Variants in ABCA7 observed in about 807,000 individuals in gnomAD.
ABCA7 encodes phospholipid-transporting ATPase ABCA7.
Under a neutral mutation model 227.6 loss-of-function variants are expected in ABCA7, and 261 were observed. That is an observed-to-expected ratio of 1.15 (90% CI 1.04 to 1.27). The LOEUF (loss-of-function observed/expected upper bound fraction) is 1.27. ABCA7 is among the 50% of genes most tolerant of loss of function. The probability of loss-of-function intolerance (pLI) is 0.00; values close to 1 mark genes in which losing one functional copy is unlikely to be tolerated. For missense variants in ABCA7, 3,331 were observed against 2,924.5 expected (o/e 1.14, Z -3.21); for synonymous variants, 1,488 against 1,279.7 (o/e 1.16, Z -3.47).
At position 1,042,867 on chromosome 19, in the gene ABCA7, G is replaced by C. The variant is rs759773885; in HGVS notation, c.579+41G>C. ...CATCCTCAACCCCCATGGAGGCAAC[G>C]TTGGCAGGCAGCCTGCGCCGGGAGG... On this transcript the variant is annotated intron_variant, in intron 7 of 46. Transcript: ENST00000263094. 3.9e-6 allele frequency: 6 copies of C among 1,533,672 alleles called. No homozygotes were observed. In the East Asian group the frequency reaches 6.8e-5, roughly 17 times the overall value.
chr19:1,055,483 C>T (rs2042166228), intron 30 of ABCA7, 132 bp downstream of exon 30: 7 of 785,454 alleles, frequency 8.9e-6, no homozygotes, highest in Admixed American at 3.6e-5. Context: ...GGGAGTCTCG[C>T]GTACCTTCCT....
chr19:1,048,053 C>G (rs2040895011), intron 16 of ABCA7, among the ~76,000 whole-genome samples: 1 of 152,022 alleles, frequency 6.6e-6, no homozygotes, highest in Non-Finnish European at 1.5e-5. Context: ...TGGTGGCACG[C>G]TGGGCGTGGT....
intron 35 of ABCA7, 114 bp from the exon 36 acceptor site, chr19:1,057,801 C>G: frequency 9.1e-6 from 12 of 1,312,148 alleles, no homozygotes; most frequent in Non-Finnish European, 1.2e-5. Context: ...CAGAAATGTG[C>G]TTTGGGTGAA....
chr19:1,042,134 C>T lies in ABCA7; in HGVS notation c.373C>T (p.Leu125=). ...CAGTGCCCACAGGACGCTGGCTGGCCTAGGGAAGCTGATCGCCACGCTGAG... is the reference window on the plus strand; with the variant it reads ...CAGTGCCCACAGGACGCTGGCTGGCTTAGGGAAGCTGATCGCCACGCTGAG... The part of the protein sequence containing the change: ...GASAHRTLAG[L]GKLIATLRAA... The change falls in exon 5 of 47, where the codon CTA becomes TTA. Residue 125 remains leucine (L), a synonymous_variant. Transcript: ENST00000263094. 6.3e-7 allele frequency: 1 copy of T among 1,599,610 alleles called. No individual in the cohort carries two copies. Among genetic ancestry groups the T allele is most frequent in the Middle Eastern group, 1.7e-4 (1 of 6,048 alleles).
Position 1,059,057 on chromosome 19 carries a change from G to A in ABCA7, c.5435G>A (p.Arg1812His), listed in dbSNP as rs114782266. The A allele has an allele frequency of 9.3e-3, 15,060 of 1,613,568 alleles. 246 individuals are homozygous for A. Among genetic ancestry groups the A allele is most frequent in the African/African-American group, 0.073 (5,439 of 74,966 alleles). The change falls in exon 40 of 47, where the codon CGC (arginine) becomes CAC (histidine). Residue 1812 changes from arginine (R) to histidine (H), a missense_variant. Transcript: ENST00000263094. ...GGGCAGAGGATGCCAGCTGTTGACC[G>A]CTTGTGCCTGGGGATTCCCCCTGGT... Reference protein sequence around the residue: ...YRGQRMPAVDRLCLGIPPGEC... With the variant: ...YRGQRMPAVDHLCLGIPPGEC...
intron 16 of ABCA7, 144 bp downstream of exon 16, chr19:1,047,798 C>T (rs879322777): frequency 8.4e-6 from 8 of 951,508 alleles, no homozygotes; most frequent in African/African-American, 1.7e-5. Context: ...CACACGCATG[C>T]AGGTGGCTGC....
intron 16 of ABCA7, among the ~76,000 whole-genome samples, chr19:1,048,191 T>TAA (rs35966146): frequency 0.049 from 5,004 of 101,344 alleles, 164 homozygotes; most frequent in East Asian, 0.18. Context: ...TCCATCTCTT[T>TAA]AAAAAAAAAA....
intron 10 of ABCA7, 42 bp downstream of exon 10, chr19:1,043,883 G>A (rs1037875348): frequency 5.7e-6 from 9 of 1,576,332 alleles, no homozygotes; most frequent in Non-Finnish European, 7.0e-6. Context: ...GCTCCCCGGT[G>A]AGGAGGGTAG....
intron 21 of ABCA7, 137 bp downstream of exon 21, chr19:1,051,723 C>A: frequency 9.5e-7 from 1 of 1,056,102 alleles, no homozygotes; most frequent in Non-Finnish European, 1.3e-6. Flanking sequence ...GGGGCTACTG[C>A]TCAAATACCG....
chr19:1,045,600 G>A lies in ABCA7; in HGVS notation c.1445+369G>A. The A allele has an allele frequency of 1.2e-5, 3 of 248,590 alleles. No homozygotes were observed. In the South Asian group the frequency reaches 1.7e-4, roughly 14 times the overall value. 15.4% of individuals were successfully genotyped at this position (248,590 alleles called of 1,614,324 possible). On this transcript the variant is annotated intron_variant, in intron 12 of 46. Transcript: ENST00000263094. ...CTCAGAACTTTGGGAGGCCAAAGTG[G>A]GAGAATCTCTTGAGGACAGGTATTC...
At chr19:1,042,205 G>A (rs1189704438) in intron 5 of ABCA7, 29 bp downstream of exon 5, 3 of 1,599,180 alleles carry the variant, frequency 1.9e-6, no homozygotes, top group African/African-American at 1.3e-5. Flanking sequence ...CTCTGGCAGG[G>A]CTGAGCTCTG....
chr19:1,040,743 G>C (rs189126147), intron 1 of ABCA7, among the ~76,000 whole-genome samples: 4 of 152,252 alleles, frequency 2.6e-5, no homozygotes, highest in African/African-American at 9.6e-5. Context: ...ATAAGGTGTG[G>C]GCAGAGCTGG....
Position 1,054,201 on chromosome 19 carries a change from G to A in ABCA7, c.3586G>A (p.Ala1196Thr), listed in dbSNP as rs1390437959. ...ALENGEPAGS[A>T]PETDQGSGPD... Reference sequence around the variant, plus strand: ...CCTCTCATCCCTCACAGCTGGGTCAGCCCCAGAGACTGACCAGGGCTCTGG... The same window carrying A: ...CCTCTCATCCCTCACAGCTGGGTCAACCCCAGAGACTGACCAGGGCTCTGG... The change falls in exon 27 of 47, where the codon GCC (alanine) becomes ACC (threonine). Residue 1196 changes from alanine to threonine, a missense_variant. Coordinates refer to ENST00000263094, the MANE Select transcript of ABCA7 (RefSeq NM_019112.4). The surrounding 1 kb of genome is among the most constrained non-coding windows in gnomAD (Gnocchi z 4.8). 6.2e-6 allele frequency: 10 copies of A among 1,609,556 alleles called. No individual in the cohort carries two copies. In the East Asian group the frequency reaches 6.7e-5, roughly 11 times the overall value.
chr19:1,055,689 G>C (rs1252813688), intron 30 of ABCA7, among the ~76,000 whole-genome samples: 1 of 151,988 alleles, frequency 6.6e-6, no homozygotes, highest in African/African-American at 2.4e-5. Flanking sequence ...TTTTAGTAGA[G>C]ATGGGGTTTC....
Position 1,052,200 on chromosome 19 carries a change from C to A in ABCA7, c.3148-14C>A, listed in dbSNP as rs375045504. 722 of 1,596,558 alleles carry A rather than the reference C, an allele frequency of 4.5e-4. 1 individual carries two copies. The African/African-American group carries it at 8.9e-3, about 20-fold the overall frequency. On this transcript the variant is annotated splice_polypyrimidine_tract_variant and intron_variant, in intron 22 of 46. Coordinates refer to ENST00000263094, the MANE Select transcript of ABCA7 (RefSeq NM_019112.4). ...CCCTGAAGGCCAAGCCACTTGGTGC[C>A]TCTCTGCCCGCAGGCTGACACTGAC... is the stretch of plus-strand genomic sequence containing the variant.
chr19:1,049,842 T>C (rs112251976), intron 18 of ABCA7, among the ~76,000 whole-genome samples: 2 of 1,388 alleles, frequency 1.4e-3, no homozygotes, highest in Non-Finnish European at 1.8e-3. Flanking sequence ...ACTCCCTCCC[T>C]GTGAGCCCCC....
At chr19:1,059,930 C>T (rs947407360) in intron 40 of ABCA7, among the ~76,000 whole-genome samples, 1 of 152,196 alleles carries the variant, frequency 6.6e-6, no homozygotes, top group African/African-American at 2.4e-5. Context: ...GTTAAACACA[C>T]ACTGTGCTCA....
Position 1,043,144 on chromosome 19 carries a change from G to A in ABCA7, c.683G>A (p.Arg228Lys). The A allele has an allele frequency of 1.9e-6, 3 of 1,612,462 alleles. No homozygotes were observed. The highest frequency in any genetic ancestry group is 1.7e-6 in the Non-Finnish European group (2 of 1,179,578). The change falls in exon 8 of 47, where the codon AGG (arginine) becomes AAG (lysine). Residue 228 changes from arginine (R) to lysine (K), a missense_variant. Transcript: ENST00000263094. ...CTGTCAGAGGCCCTCTGCAGTGTCAGGGGACCTAGCAGCACAGTGGGCCCC... is the reference window on the plus strand; with the variant it reads ...CTGTCAGAGGCCCTCTGCAGTGTCAAGGGACCTAGCAGCACAGTGGGCCCC... ...ELLSEALCSV[R>K]GPSSTVGPSL...
intron 34 of ABCA7, 68 bp downstream of exon 34, chr19:1,057,152 A>C: frequency 6.4e-7 from 1 of 1,565,580 alleles, no homozygotes; most frequent in Non-Finnish European, 8.7e-7. Flanking sequence ...GGCCCCTTGT[A>C]GGCAGGGGCT....
Sources: allele counts gnomAD v4.1 joint callset (sites outside exome capture counted in the v4.1 genomes callset), GRCh38; gene constraint gnomAD v4.1.1; non-coding constraint Gnocchi (gnomAD v3.1); transcripts MANE v1.5; gene names NCBI Gene and HGNC (gene_info 2026-07-23, HGNC 2026-07-21).